SKIC3: variants seen among roughly 807,000 people sequenced by gnomAD.
SKIC3 encodes the protein superkiller complex protein 3.
At chr5:95,538,952 T>C in the SKIC3 span, among the ~76,000 whole-genome samples, 2 of 152,186 alleles carry the variant, frequency 1.3e-5, no homozygotes, top group Non-Finnish European at 2.9e-5. Context: ...TCAGTTTCTT[T>C]TTTACAGTGA....
chr5:95,497,095 C>G, the SKIC3 span, among the ~76,000 whole-genome samples: 6 of 152,164 alleles, frequency 3.9e-5, no homozygotes, highest in Non-Finnish European at 8.8e-5. Flanking sequence ...CTAATGATTA[C>G]TATGTGGCAG....
At chr5:95,522,245 G>C in the SKIC3 span, 1 of 1,613,590 alleles carries the variant, frequency 6.2e-7, no homozygotes, top group Admixed American at 1.7e-5. Flanking sequence ...GCTTAAGTAT[G>C]CTTCTCCTAA....
At chr5:95,537,035 C>A in the SKIC3 span, 1 of 1,612,550 alleles carries the variant, frequency 6.2e-7, no homozygotes, top group South Asian at 1.1e-5. Context: ...TTTAAAAAAT[C>A]AACTTACTTT....
At chr5:95,541,695 GAAA>G in the SKIC3 span, 9 of 556,576 alleles carry the variant, frequency 1.6e-5, no homozygotes, top group South Asian at 2.4e-5. Flanking sequence ...ACAAATGTTT[GAAA>G]AAAAAAAAAA....
chr5:95,525,342 A>G, the SKIC3 span: 2 of 1,522,234 alleles, frequency 1.3e-6, no homozygotes, highest in Admixed American at 1.7e-5. Context: ...TGAATTTTTC[A>G]GAAATATAAA....
At chr5:95,497,358 T>C in the SKIC3 span, 3 of 1,352,470 alleles carry the variant, frequency 2.2e-6, no homozygotes, top group African/African-American at 4.4e-5. Flanking sequence ...AAAATTATCA[T>C]ATTTACCATA....
the SKIC3 span, chr5:95,482,781 C>A: frequency 1.2e-6 from 1 of 803,282 alleles, no homozygotes; most frequent in Non-Finnish European, 2.0e-6. Flanking sequence ...ATTAAATAAA[C>A]AAAACAATGA....
the SKIC3 span, among the ~76,000 whole-genome samples, chr5:95,490,464 GTA>G: frequency 7.6e-5 from 11 of 144,920 alleles, no homozygotes; most frequent in Non-Finnish European, 1.4e-4. Flanking sequence ...TTTAAATAAT[GTA>G]TATATATATT....
the SKIC3 span, among the ~76,000 whole-genome samples, chr5:95,544,532 T>G: frequency 6.6e-6 from 1 of 152,214 alleles, no homozygotes; most frequent in Non-Finnish European, 1.5e-5. Context: ...GCAATTCTTG[T>G]TTCCCAAAAT....
the SKIC3 span, among the ~76,000 whole-genome samples, chr5:95,505,281 C>G: frequency 6.6e-6 from 1 of 152,092 alleles, no homozygotes; most frequent in Admixed American, 6.5e-5. Flanking sequence ...AAAATATAGG[C>G]AACCTTCACT....
chr5:95,498,797 T>C, the SKIC3 span, among the ~76,000 whole-genome samples: 1 of 152,136 alleles, frequency 6.6e-6, no homozygotes, highest in East Asian at 1.9e-4. Context: ...GGCTAAATTT[T>C]TGTATTTTTA....
chr5:95,529,393 G>A, the SKIC3 span: 1 of 435,750 alleles, frequency 2.3e-6, no homozygotes, highest in Non-Finnish European at 4.3e-6. Context: ...AGACAAATCA[G>A]ATTATAAAAT....
At chr5:95,477,590 C>A in the SKIC3 span, among the ~76,000 whole-genome samples, 1 of 152,196 alleles carries the variant, frequency 6.6e-6, no homozygotes, top group Non-Finnish European at 1.5e-5. Flanking sequence ...TTCTCCTCTA[C>A]TATCCTTTAA....
At chr5:95,538,456 C>T in the SKIC3 span, among the ~76,000 whole-genome samples, 1 of 152,000 alleles carries the variant, frequency 6.6e-6, no homozygotes, top group South Asian at 2.1e-4. Flanking sequence ...TCTGAATAAA[C>T]AAATTAATGA....
chr5:95,487,953 A>G, the SKIC3 span, among the ~76,000 whole-genome samples: 7 of 152,274 alleles, frequency 4.6e-5, no homozygotes, highest in East Asian at 7.7e-4. Flanking sequence ...AAAGCAATTT[A>G]GGACATTAAT....
the SKIC3 span, chr5:95,512,443 C>T: frequency 3.8e-6 from 6 of 1,599,504 alleles, no homozygotes; most frequent in Admixed American, 1.7e-5. Context: ...AATAGTTGCT[C>T]AAATATCTTG....
chr5:95,534,999 G>C, the SKIC3 span, among the ~76,000 whole-genome samples: 2 of 152,088 alleles, frequency 1.3e-5, no homozygotes, highest in African/African-American at 4.8e-5. Context: ...AGTTAAAATT[G>C]ATTTTTGTCT....
the SKIC3 span, among the ~76,000 whole-genome samples, chr5:95,499,391 C>T: frequency 1.3e-5 from 2 of 152,168 alleles, no homozygotes; most frequent in Non-Finnish European, 1.5e-5. Flanking sequence ...CCCTTCACTT[C>T]CTGTCATGAT....
chr5:95,523,115 A>G, the SKIC3 span: 1 of 1,554,838 alleles, frequency 6.4e-7, no homozygotes, highest in African/African-American at 1.4e-5. Context: ...CTCTCAAAAT[A>G]CAACCTGGTA....
Sources: gnomAD v4.1 joint callset for allele counts (sites outside exome capture counted in the v4.1 genomes callset) on GRCh38, gnomAD v4.1.1 for gene constraint, MANE v1.5 for transcripts, NCBI Gene and HGNC (gene_info 2026-07-23, HGNC 2026-07-21) for gene names.